Variants in TSPEAR observed in about 807,000 individuals in gnomAD.
TSPEAR encodes the protein thrombospondin-type laminin G domain and EAR repeat-containing protein.
TSPEAR carries 69 observed loss-of-function variants against 71.6 expected under a neutral mutation model. The observed-to-expected ratio is 0.96, with a 90% CI of 0.79 to 1.18. The LOEUF (loss-of-function observed/expected upper bound fraction) is 1.18. Among genes scored for constraint, TSPEAR ranks in the 50% most tolerant of loss-of-function variants. The pLI is 0.00. For missense variants in TSPEAR, 971 were observed against 894.9 expected, an observed-to-expected ratio of 1.09 and a Z score of -1.09; for synonymous variants, 402 against 387.2, an observed-to-expected ratio of 1.04 and a Z score of -0.45.
At chr21:44,691,217 C>G (rs1195112062) in intron 1 of TSPEAR, among the ~76,000 whole-genome samples, 1 of 152,136 alleles carries the variant, frequency 6.6e-6, no homozygotes, top group Non-Finnish European at 1.5e-5. Flanking sequence ...TCTCTCTCCC[C>G]AAGCTCTAAG....
chr21:44,558,663 T>C, intron 2 of TSPEAR: 1 of 1,613,224 alleles, frequency 6.2e-7, no homozygotes, highest in Non-Finnish European at 8.5e-7. Context: ...GGCGTCCACC[T>C]GCCAGGAGTC....
chr21:44,702,330 G>T, intron 1 of TSPEAR: 2 of 1,609,706 alleles, frequency 1.2e-6, no homozygotes, highest in Non-Finnish European at 1.7e-6. Flanking sequence ...GCCTGACCCT[G>T]GTCTGCACCC....
intron 9 of TSPEAR, among the ~76,000 whole-genome samples, chr21:44,514,857 GC>G (rs1232001175): frequency 6.6e-6 from 1 of 152,132 alleles, no homozygotes; most frequent in Non-Finnish European, 1.5e-5. Context: ...CCCAGGGTGG[GC>G]AGCCAGCTCC....
chr21:44,629,854 C>T (rs1436792949), intron 1 of TSPEAR, among the ~76,000 whole-genome samples: 7 of 152,178 alleles, frequency 4.6e-5, no homozygotes, highest in East Asian at 1.9e-4. Context: ...CTGGTCCCAC[C>T]GCAGGAGGCA....
intron 1 of TSPEAR, among the ~76,000 whole-genome samples, chr21:44,650,627 G>A (rs1026188593): frequency 8.5e-5 from 13 of 152,232 alleles, no homozygotes; most frequent in South Asian, 4.1e-4. Context: ...CCTTCACCTC[G>A]GACTGCAGTC....
Position 44,499,879 on chromosome 21 carries a change from C to A in TSPEAR, c.1914G>T (p.Arg638Ser). The A allele has an allele frequency of 6.2e-7, 1 of 1,606,862 alleles. No homozygotes were observed. Among genetic ancestry groups the A allele is most frequent in the Non-Finnish European group, 8.5e-7 (1 of 1,177,642 alleles). Residue 638 changes from arginine (R) to serine (S), a missense_variant, in exon 12 of 12, where the codon AGG becomes AGT. Transcript: ENST00000323084. ...CCGTGGTGCTGAAGGCCTCCCAGTC[C>A]CTGCAGCCGACGGTGGGGAGGCTGT... ...AVHSLPTVGCRDWEAFSTTAG... is the reference protein window; with the variant it reads ...AVHSLPTVGCSDWEAFSTTAG...
At chr21:44,619,942 G>A (rs1982338806) in intron 1 of TSPEAR, among the ~76,000 whole-genome samples, 1 of 152,164 alleles carries the variant, frequency 6.6e-6, no homozygotes, top group African/African-American at 2.4e-5. Flanking sequence ...GGAGACAGTG[G>A]GAGCAGAAAA....
At chr21:44,558,469 A>C in intron 2 of TSPEAR, 5 of 1,614,000 alleles carry the variant, frequency 3.1e-6, no homozygotes, top group Non-Finnish European at 4.2e-6. Flanking sequence ...TGGCAGCTAG[A>C]CTGCTGGCAG....
At chr21:44,672,782 C>G (rs1303332350) in intron 1 of TSPEAR, among the ~76,000 whole-genome samples, 1 of 152,046 alleles carries the variant, frequency 6.6e-6, no homozygotes, top group African/African-American at 2.4e-5. Context: ...CAGATTTCCC[C>G]CTTGCAGTTC....
intron 1 of TSPEAR, among the ~76,000 whole-genome samples, chr21:44,643,238 G>T (rs1008073049): frequency 3.3e-5 from 5 of 152,152 alleles, no homozygotes; most frequent in African/African-American, 1.2e-4. Flanking sequence ...AGTAGAATGG[G>T]GATTCGAGGG....
chr21:44,542,848 C>A (rs587607287), intron 2 of TSPEAR, among the ~76,000 whole-genome samples: 113 of 151,356 alleles, frequency 7.5e-4, no homozygotes, highest in Non-Finnish European at 1.4e-3. Flanking sequence ...TACACCTGGG[C>A]ACATTGGGGT....
chr21:44,709,626 C>A (rs1381300982), intron 1 of TSPEAR, among the ~76,000 whole-genome samples: 1 of 152,262 alleles, frequency 6.6e-6, no homozygotes, highest in Admixed American at 6.5e-5. Flanking sequence ...CGCGGCTCCA[C>A]GCCGTGGGCA....
chr21:44,531,244 G>A (rs1555915743), intron 3 of TSPEAR, 111 bp from the exon 4 acceptor site: 1 of 804,758 alleles, frequency 1.2e-6, no homozygotes, highest in Non-Finnish European at 2.0e-6. Flanking sequence ...CTGTGCTGTG[G>A]CTGCCACACA....
intron 1 of TSPEAR, among the ~76,000 whole-genome samples, chr21:44,611,860 C>T (rs1252850052): frequency 6.6e-6 from 1 of 152,206 alleles, no homozygotes; most frequent in Non-Finnish European, 1.5e-5. Context: ...GGCACAGACA[C>T]CTGCAAGTGG....
At chr21:44,524,334 G>C (rs1208199515) in intron 8 of TSPEAR, among the ~76,000 whole-genome samples, 1 of 152,138 alleles carries the variant, frequency 6.6e-6, no homozygotes, top group Non-Finnish European at 1.5e-5. Flanking sequence ...CAGTCAGATA[G>C]TAAGTCAGTT....
At chr21:44,603,221 G>A (rs996180973) in intron 1 of TSPEAR, among the ~76,000 whole-genome samples, 1 of 152,056 alleles carries the variant, frequency 6.6e-6, no homozygotes, top group Non-Finnish European at 1.5e-5. Context: ...CAAGGAATAA[G>A]CCCCCACATG....
rs73909206 is a variant in TSPEAR, at chr21:44,646,577, C to T, written c.82+64856G>A. On this transcript the variant is annotated intron_variant, in intron 1 of 11. Transcript: ENST00000323084. Reference sequence around the variant, plus strand: ...AGCGCCCCCAGCTGCTGCGCCCCGGCCCCCTCCCTGAGCCTGGTCTGCACC... The same window carrying T: ...AGCGCCCCCAGCTGCTGCGCCCCGGTCCCCTCCCTGAGCCTGGTCTGCACC... 2.7e-3 allele frequency: 4,309 copies of T among 1,612,382 alleles called. 106 individuals carry two copies. The African/African-American group carries it at 0.052, about 19-fold the overall frequency.
At chr21:44,607,698 A>G (rs1354480623) in intron 1 of TSPEAR, among the ~76,000 whole-genome samples, 1 of 152,176 alleles carries the variant, frequency 6.6e-6, no homozygotes, top group Non-Finnish European at 1.5e-5. Context: ...GAAATAGATG[A>G]CCAATACCGA....
At chr21:44,508,970 G>T (rs782190070) in intron 10 of TSPEAR, 2 of 1,535,046 alleles carry the variant, frequency 1.3e-6, no homozygotes, top group Admixed American at 3.9e-5. Flanking sequence ...CACAGCACCC[G>T]GCTCTGGGAA....
Sources: allele counts gnomAD v4.1 joint callset (sites outside exome capture counted in the v4.1 genomes callset), GRCh38; gene constraint gnomAD v4.1.1; transcripts MANE v1.5; gene names NCBI Gene and HGNC (gene_info 2026-07-23, HGNC 2026-07-21).